Variants in PCDHGB1 observed in about 807,000 individuals in gnomAD.
The protein encoded by PCDHGB1 is protocadherin gamma subfamily B, 1.
A neutral mutation model predicts 56.6 loss-of-function variants in PCDHGB1; 34 were observed. That is an observed-to-expected ratio of 0.60 (90% CI 0.46 to 0.80). The LOEUF is 0.80. Among genes scored for constraint, PCDHGB1 ranks in the 30% least tolerant of loss-of-function variants. The pLI is 0.00. For synonymous variants in PCDHGB1, 561 were observed against 505.9 expected, an observed-to-expected ratio of 1.11 and a Z score of -1.46; for missense variants, 1,278 against 1,204.6, an observed-to-expected ratio of 1.06 and a Z score of -0.90.
chr5:141,474,242 G>A (rs575397598), intron 1 of PCDHGB1, among the ~76,000 whole-genome samples: 1 of 152,192 alleles, frequency 6.6e-6, no homozygotes, highest in African/African-American at 2.4e-5. Context: ...GCTGAATAGG[G>A]GAAAAAAAGA....
intron 1 of PCDHGB1, chr5:141,422,819 TGAGA>T (rs766395950): frequency 6.2e-7 from 1 of 1,614,188 alleles, no homozygotes; most frequent in African/African-American, 1.3e-5. Flanking sequence ...GACTTAGAAC[TGAGA>T]GTGATAGCAC....
intron 1 of PCDHGB1, chr5:141,428,390 C>T (rs1043799152): frequency 8.0e-5 from 40 of 502,004 alleles, no homozygotes; most frequent in African/African-American, 6.6e-4. Context: ...TCTTCCAGCC[C>T]CTCTGCCTGG....
In PCDHGB1 at chr5:141,431,141, G is replaced by A. The variant is rs1262504427; in HGVS notation, c.2410-63666G>A. 24 of 1,614,212 alleles carry A rather than the reference G, an allele frequency of 1.5e-5. No individual in the cohort carries two copies. The highest frequency in any genetic ancestry group is 2.0e-5 in the Non-Finnish European group (24 of 1,180,030). On this transcript the variant is annotated intron_variant, in intron 1 of 3. Coordinates refer to ENST00000523390, the MANE Select transcript of PCDHGB1 (RefSeq NM_018922.3). The surrounding 1 kb of genome is among the most constrained non-coding windows in gnomAD (Gnocchi z 4.8). ...AGAAGTAGAAGTAAGGGACATTAAC[G>A]ACAATGCGCCTTACTTTCGTGAAAG...
intron 1 of PCDHGB1, chr5:141,385,554 T>C (rs2090283366): frequency 7.6e-7 from 1 of 1,314,354 alleles, no homozygotes; most frequent in Non-Finnish European, 9.7e-7. Context: ...TATCACATTT[T>C]ATAATTTCCA....
intron 1 of PCDHGB1, chr5:141,427,369 C>T (rs1333238163): frequency 4.4e-6 from 2 of 457,834 alleles, no homozygotes; most frequent in Non-Finnish European, 8.8e-6. Flanking sequence ...GAACCCTGGA[C>T]GGTGATCACT....
intron 1 of PCDHGB1, chr5:141,376,469 G>A: frequency 6.2e-7 from 1 of 1,614,186 alleles, no homozygotes; most frequent in Non-Finnish European, 8.5e-7. Flanking sequence ...GATAACTCAG[G>A]ATTTACTTGA....
intron 1 of PCDHGB1, among the ~76,000 whole-genome samples, chr5:141,471,928 G>A (rs1328213264): frequency 6.6e-6 from 1 of 152,152 alleles, no homozygotes; most frequent in African/African-American, 2.4e-5. Context: ...TTTTGGGGGT[G>A]ATGAGAGTTT....
intron 1 of PCDHGB1, chr5:141,416,339 A>T (rs2096016775): frequency 6.6e-6 from 1 of 152,218 alleles, no homozygotes; most frequent in African/African-American, 2.4e-5. Context: ...TCATTGCTCA[A>T]TAGGGATCCT....
At position 141,350,546 on chromosome 5, in the gene PCDHGB1, A is replaced by C. The variant is rs886105437; in HGVS notation, c.286A>C (p.Lys96Gln). 2.5e-6 allele frequency: 4 copies of C among 1,613,906 alleles called. No homozygotes were observed. Among genetic ancestry groups the C allele is most frequent in the Admixed American group, 1.7e-5 (1 of 60,014 alleles). The change falls in exon 1 of 4, where the codon AAA becomes CAA. Residue 96 changes from lysine to glutamine, a missense_variant. Lys to Gln is a moderately conservative substitution (Grantham distance 53). Transcript: ENST00000523390. ...AGATCGAGAGAAGATTTGCGGAAGG[A>C]AACTTGAGTGTGCACTAGAATTCGA... The part of the protein sequence containing the change: ...RIDREKICGR[K>Q]LECALEFETV...
rs1248714579 is a variant in PCDHGB1 at position 141,489,513 on chromosome 5, C to A, written c.2410-5294C>A. The A allele has an allele frequency of 6.2e-7, 1 of 1,614,000 alleles. No homozygotes were observed. Among genetic ancestry groups the A allele is most frequent in the African/African-American group, 1.3e-5 (1 of 74,918 alleles). ...CCCTGGCAGTGAATCAAAAGATTGACCGAGAAAGCCTATGTGGAGCCAGCA... is the reference window on the plus strand; with the variant it reads ...CCCTGGCAGTGAATCAAAAGATTGAACGAGAAAGCCTATGTGGAGCCAGCA... On this transcript the variant is annotated intron_variant, in intron 1 of 3. Coordinates refer to ENST00000523390, the MANE Select transcript of PCDHGB1 (RefSeq NM_018922.3). The surrounding 1 kb of genome is among the most constrained non-coding windows in gnomAD (Gnocchi z 4.5).
intron 1 of PCDHGB1, chr5:141,392,678 G>A: frequency 1.1e-6 from 1 of 941,110 alleles, no homozygotes; most frequent in Non-Finnish European, 1.5e-6. Flanking sequence ...CTGCTGGACT[G>A]CAGCGAAACC....
At chr5:141,474,965 A>G (rs1268347441) in intron 1 of PCDHGB1, among the ~76,000 whole-genome samples, 1 of 152,236 alleles carries the variant, frequency 6.6e-6, no homozygotes, top group Non-Finnish European at 1.5e-5. Context: ...TATCCTAATC[A>G]TTATAATTTT....
At chr5:141,405,523 G>T (rs140184617) in intron 1 of PCDHGB1, 2 of 679,202 alleles carry the variant, frequency 2.9e-6, no homozygotes, top group African/African-American at 3.6e-5. Context: ...AAATTCAAGC[G>T]ATTCTCCTGC....
At position 141,430,895 on chromosome 5, in the gene PCDHGB1, G is replaced by A. The variant is rs775296800; in HGVS notation, c.2410-63912G>A. 6.9e-6 allele frequency: 11 copies of A among 1,605,692 alleles called. No individual in the cohort carries two copies. The Admixed American group carries it at 1.0e-4, about 15-fold the overall frequency. ...AGAGCTGGAGAAAGGCTCTAGGGTG[G>A]GCGACATCTCCAGGGACCTGGGGCT... On this transcript the variant is annotated intron_variant, in intron 1 of 3. Coordinates refer to ENST00000523390, the MANE Select transcript of PCDHGB1 (RefSeq NM_018922.3).
intron 1 of PCDHGB1, chr5:141,357,255 C>A: frequency 6.2e-7 from 1 of 1,613,736 alleles, no homozygotes; most frequent in Non-Finnish European, 8.5e-7. Flanking sequence ...CAGACCCAGA[C>A]GACTCGGGCC....
At chr5:141,425,491 C>G (rs1243033082) in intron 1 of PCDHGB1, among the ~76,000 whole-genome samples, 1 of 152,200 alleles carries the variant, frequency 6.6e-6, no homozygotes, top group Non-Finnish European at 1.5e-5. Context: ...ACCTACTAGG[C>G]TATACCTTTA....
intron 1 of PCDHGB1, among the ~76,000 whole-genome samples, chr5:141,450,639 A>T (rs1390959433): frequency 6.6e-6 from 1 of 151,390 alleles, no homozygotes; most frequent in Non-Finnish European, 1.5e-5. Flanking sequence ...GATGCCTGCC[A>T]CCATGCCTGG....
chr5:141,441,843 G>T, intron 1 of PCDHGB1: 1 of 356,176 alleles, frequency 2.8e-6, no homozygotes. Context: ...TCGCGCTCTT[G>T]GATATGGTGC....
chr5:141,366,357 G>A, intron 1 of PCDHGB1: 1 of 1,614,020 alleles, frequency 6.2e-7, no homozygotes, highest in Non-Finnish European at 8.5e-7. Flanking sequence ...GCTGACCTAG[G>A]CAGTATCAAG....
Sources: gnomAD v4.1 joint callset for allele counts (sites outside exome capture counted in the v4.1 genomes callset) on GRCh38, gnomAD v4.1.1 for gene constraint, Gnocchi (gnomAD v3.1) non-coding constraint, MANE v1.5 for transcripts, NCBI Gene and HGNC (gene_info 2026-07-23, HGNC 2026-07-21) for gene names.